Variants in RSRC2 observed in about 807,000 individuals in gnomAD.
RSRC2 encodes arginine/serine-rich coiled-coil protein 2.
Under a neutral mutation model 61.3 loss-of-function variants are expected in RSRC2, and 5 were observed. The observed-to-expected ratio is 0.08, with a 90% confidence interval of 0.04 to 0.17. The LOEUF is 0.17. RSRC2 is among the 10% of genes least tolerant of loss of function. RSRC2 has a pLI of 1.00. For missense variants in RSRC2, 381 were observed against 518.8 expected (o/e 0.73, Z 2.58); for synonymous variants, 202 against 166.5 (o/e 1.21, Z -1.64).
Position 122,526,857 on chromosome 12 carries a change from TCA to T in RSRC2, c.-6_-5del, listed in dbSNP as rs1321976149. On this transcript the variant is annotated 5_prime_UTR_variant, in exon 1 of 10. Coordinates refer to ENST00000331738, the MANE Select transcript of RSRC2 (RefSeq NM_023012.6). ...CAGATTCGGTACCTACCGCCATAGTTCAGAGTCCCGGCCGCTAGAGCGGCGCC... is the reference window on the plus strand; with the variant it reads ...CAGATTCGGTACCTACCGCCATAGTTGAGTCCCGGCCGCTAGAGCGGCGCC... 1 of 1,614,242 alleles carries T rather than the reference TCA, an allele frequency of 6.2e-7. No individual in the cohort carries two copies. Among genetic ancestry groups the T allele is most frequent in the Non-Finnish European group, 8.5e-7 (1 of 1,180,032 alleles).
chr12:122,517,143 C>T, intron 5 of RSRC2, 84 bp downstream of exon 5: 1 of 1,580,228 alleles, frequency 6.3e-7, no homozygotes, highest in Non-Finnish European at 8.6e-7. Context: ...TTGTGACTCA[C>T]AATTTTAATA....
intron 1 of RSRC2, chr12:122,523,212 G>A (rs1334270441): frequency 4.6e-5 from 7 of 152,218 alleles, no homozygotes; most frequent in Admixed American, 4.6e-4. Context: ...AGACTGAACT[G>A]TTAAAACTAA....
intron 8 of RSRC2, 169 bp from the exon 9 acceptor site, chr12:122,507,092 C>T (rs574249462): frequency 3.1e-5 from 20 of 646,566 alleles, no homozygotes; most frequent in Non-Finnish European, 5.2e-5. Flanking sequence ...GAAATACAAG[C>T]AAGAGGTTGG....
chr12:122,521,716 C>T (rs10744242), intron 2 of RSRC2, among the ~76,000 whole-genome samples: 92,434 of 152,038 alleles, frequency 0.61, 28,970 homozygotes, highest in African/African-American at 0.75. Context: ...TCCTAGTCTA[C>T]AGCAAATTCA....
At position 122,526,927 on chromosome 12, in the gene RSRC2, G is replaced by C; in HGVS notation, c.-74C>G. 3 of 1,570,934 alleles carry C rather than the reference G, an allele frequency of 1.9e-6. No homozygotes were observed. Among genetic ancestry groups the C allele is most frequent in the East Asian group, 2.2e-5 (1 of 44,628 alleles). ...ACAGTACCGGCCGCTCCGAAGCTTC[G>C]CCTCAGACTAAATCGCTCGCGCGAG... is the stretch of plus-strand genomic sequence containing the variant. On this transcript the variant is annotated 5_prime_UTR_variant, in exon 1 of 10. Coordinates refer to ENST00000331738, the MANE Select transcript of RSRC2 (RefSeq NM_023012.6).
At chr12:122,508,540 A>T (rs1026557410) in intron 7 of RSRC2, 93 bp from the exon 8 acceptor site, 2 of 1,020,772 alleles carry the variant, frequency 2.0e-6, no homozygotes, top group Non-Finnish European at 1.4e-6. Context: ...AAAAGCTATG[A>T]ATGTGCAAAA....
chr12:122,526,495 C>A (rs1307752144), intron 1 of RSRC2, among the ~76,000 whole-genome samples: 1 of 152,004 alleles, frequency 6.6e-6, no homozygotes, highest in African/African-American at 2.4e-5. Context: ...TTCCCCAGCC[C>A]CTTTCTCCAC....
At position 122,508,286 on chromosome 12, in the gene RSRC2, C is replaced by T; in HGVS notation, c.967G>A (p.Val323Ile). The change falls in exon 8 of 10, where the codon GTT becomes ATT. Residue 323 changes from valine to isoleucine, a missense_variant. This residue lies in a region of RSRC2 where 78 missense variants were observed against 183.0 expected (regional missense o/e 0.43). Transcript: ENST00000331738. ...AVPSYYNPAA[V>I]NPMKFAEQEK... is the part of the protein sequence containing the mutation. ...TGTTCAGCAAATTTCATTGGATTAACAGCGGCTGGGTTATAGTAGCTAGGA... is the reference window on the plus strand; with the variant it reads ...TGTTCAGCAAATTTCATTGGATTAATAGCGGCTGGGTTATAGTAGCTAGGA... The T allele has an allele frequency of 1.2e-6, 2 of 1,614,152 alleles. No individual in the cohort carries two copies. The highest frequency in any genetic ancestry group is 1.7e-6 in the Non-Finnish European group (2 of 1,180,026).
At chr12:122,519,319 TC>T in intron 3 of RSRC2, 1 of 325,286 alleles carries the variant, frequency 3.1e-6, no homozygotes. Context: ...AAAAGAGGAA[TC>T]CCTTATGTTT....
At chr12:122,517,673 C>T (rs1959041641) in intron 4 of RSRC2, among the ~76,000 whole-genome samples, 1 of 151,974 alleles carries the variant, frequency 6.6e-6, no homozygotes, top group Admixed American at 6.6e-5. Context: ...TCAATGCATC[C>T]TACCCAAATT....
chr12:122,519,651 T>A (rs1959168364), intron 3 of RSRC2: 2 of 152,968 alleles, frequency 1.3e-5, no homozygotes, highest in Admixed American at 6.5e-5. Context: ...AGAGGAGTAT[T>A]ACACTTCATG....
intron 7 of RSRC2, among the ~76,000 whole-genome samples, chr12:122,510,180 G>A (rs1275830415): frequency 6.6e-6 from 1 of 152,198 alleles, no homozygotes; most frequent in East Asian, 1.9e-4. Flanking sequence ...TCTTGAAAGA[G>A]AAATACATAT....
At chr12:122,514,739 G>A (rs1268453882) in intron 6 of RSRC2, 3 of 1,149,184 alleles carry the variant, frequency 2.6e-6, no homozygotes, top group African/African-American at 3.3e-5. Flanking sequence ...CTATTTGAGG[G>A]AGAAAAACAA....
At chr12:122,526,523 TA>T (rs999290921) in intron 1 of RSRC2, among the ~76,000 whole-genome samples, 1 of 151,512 alleles carries the variant, frequency 6.6e-6, no homozygotes, top group Non-Finnish European at 1.5e-5. Flanking sequence ...TCTCAGGCCC[TA>T]AAAAAAACTT....
intron 8 of RSRC2, 61 bp downstream of exon 8, chr12:122,508,157 G>GT (rs1565886873): frequency 1.4e-6 from 2 of 1,452,506 alleles, no homozygotes; most frequent in Admixed American, 3.4e-5. Flanking sequence ...ACCCAAATTT[G>GT]TTTTTCTAAG....
chr12:122,520,761 G>A, intron 3 of RSRC2: 1 of 358,964 alleles, frequency 2.8e-6, no homozygotes, highest in Non-Finnish European at 5.4e-6. Context: ...CTCCCTTTCT[G>A]GCTACTACTT....
rs774646501 is a variant in RSRC2 at position 122,518,873 on chromosome 12, CTCT to C, written c.361_363del (p.Arg121del). ...GACCTAGATCTTGAGTGACTTCTGC[CTCT>C]TGATGACTTTCTTTCTTTGCGTTTG... On this transcript the variant is annotated inframe_deletion, in exon 4 of 10. Transcript: ENST00000331738. The C allele has an allele frequency of 3.9e-5, 63 of 1,614,086 alleles. No individual in the cohort carries two copies. Among genetic ancestry groups the C allele is most frequent in the Non-Finnish European group, 5.2e-5 (61 of 1,180,004 alleles).
In RSRC2 at chr12:122,517,087, C is replaced by T. The variant is rs373318775; in HGVS notation, c.602+140G>A. 938 of 1,211,860 alleles carry T rather than the reference C, an allele frequency of 7.7e-4. 12 individuals are homozygous for T. The South Asian group carries it at 0.013, about 16-fold the overall frequency. The allele number at this position is 1,211,860 out of a possible 1,614,324, so 75.1% of individuals were successfully genotyped here. A position where few individuals can be genotyped will look rare whatever the true frequency, so the allele number is the denominator to read the frequency against. On this transcript the variant is annotated intron_variant, in intron 5 of 9. Transcript: ENST00000331738. ...CAAGTGGTTAGGTGTGTTCTTCATA[C>T]GTTAGGTAATGACTAAAATAATTTT...
intron 2 of RSRC2, among the ~76,000 whole-genome samples, chr12:122,521,909 A>C (rs1021661244): frequency 1.3e-5 from 2 of 152,216 alleles, no homozygotes; most frequent in Non-Finnish European, 2.9e-5. Flanking sequence ...GCTGAGGCAG[A>C]AGAACTGCCT....
Sources: gnomAD v4.1 joint callset for allele counts (sites outside exome capture counted in the v4.1 genomes callset) on GRCh38, gnomAD v4.1.1 for gene constraint, gnomAD v4.1.1 regional missense constraint, MANE v1.5 for transcripts, NCBI Gene and HGNC (gene_info 2026-07-23, HGNC 2026-07-21) for gene names.